TANC1: variants seen among roughly 807,000 people sequenced by gnomAD.
TANC1 encodes the protein tetratricopeptide repeat, ankyrin repeat and coiled-coil containing 1.
A neutral mutation model predicts 149.7 loss-of-function variants in TANC1; 77 were observed. The observed-to-expected ratio is 0.51, with a 90% CI of 0.43 to 0.62. The LOEUF is 0.62. Among genes scored for constraint, TANC1 ranks in the 20% least tolerant of loss-of-function variants. TANC1 has a pLI of 0.00. For synonymous variants in TANC1, 854 were observed against 925.0 expected, an observed-to-expected ratio of 0.92 and a Z score of 1.39; for missense variants, 1,985 against 2,321.8, an observed-to-expected ratio of 0.85 and a Z score of 2.98.
At chr2:159,037,044 TCGC>T (rs1391155339) in intron 2 of TANC1, among the ~76,000 whole-genome samples, 1 of 152,210 alleles carries the variant, frequency 6.6e-6, no homozygotes, top group Non-Finnish European at 1.5e-5. Flanking sequence ...TTTTTAATGA[TCGC>T]CGTTCTAACT....
Position 159,033,899 on chromosome 2 carries a change from G to A in TANC1, c.-15-31997G>A, listed in dbSNP as rs187049576. 2.4e-3 allele frequency among the ~76,000 whole-genome samples: 369 copies of A among 152,290 alleles called. 1 individual carries two copies. Among genetic ancestry groups the A allele is most frequent in the African/African-American group, 8.0e-3 (334 of 41,552 alleles). On this transcript the variant is annotated intron_variant, in intron 2 of 26. Coordinates refer to ENST00000263635, the MANE Select transcript of TANC1 (RefSeq NM_033394.3). ...GCTCTTAGTAGTTATCCTTGAATGCGTTGTGCTTTGTCAAACTTGGTGAGC... is the reference window on the plus strand; with the variant it reads ...GCTCTTAGTAGTTATCCTTGAATGCATTGTGCTTTGTCAAACTTGGTGAGC...
At chr2:159,032,789 A>AG (rs11408982) in intron 2 of TANC1, among the ~76,000 whole-genome samples, 67,527 of 151,706 alleles carry the variant, frequency 0.45, 15,758 homozygotes, top group African/African-American at 0.57. Context: ...GGGGGTTAGG[A>AG]GTTCCCTTCT....
chr2:159,041,532 G>A (rs956624491), intron 2 of TANC1, among the ~76,000 whole-genome samples: 13 of 152,316 alleles, frequency 8.5e-5, no homozygotes, highest in African/African-American at 3.1e-4. Context: ...CTTGCAGCTC[G>A]ATCTCGGACT....
intron 13 of TANC1, among the ~76,000 whole-genome samples, chr2:159,177,583 C>T (rs1198660016): frequency 6.6e-6 from 1 of 152,156 alleles, no homozygotes; most frequent in Non-Finnish European, 1.5e-5. Context: ...ATCAGTAGAT[C>T]ATAGGAACCA....
At chr2:159,081,914 G>A (rs531850917) in intron 3 of TANC1, among the ~76,000 whole-genome samples, 9 of 152,214 alleles carry the variant, frequency 5.9e-5, no homozygotes, top group Non-Finnish European at 1.2e-4. Context: ...GGAGCTGGGG[G>A]ATCCAGGTCC....
rs972957047 is a variant in TANC1 at position 159,029,380 on chromosome 2, C to T, written c.-16+28191C>T. On this transcript the variant is annotated intron_variant, in intron 2 of 26. Coordinates refer to ENST00000263635, the MANE Select transcript of TANC1 (RefSeq NM_033394.3). ...ATACCCAGAAATGAGATTGTTGGAT[C>T]GTATGCCTCACTTTTTAAGTAAAGG... Among the ~76,000 whole-genome samples the T allele has an allele frequency of 2.6e-5, 4 of 152,192 alleles. No homozygotes were observed. The South Asian group carries it at 6.2e-4, about 24-fold the overall frequency.
intron 4 of TANC1, among the ~76,000 whole-genome samples, 197 bp downstream of exon 4, chr2:159,098,031 A>G (rs114754908): frequency 0.011 from 1,640 of 151,996 alleles, 22 homozygotes; most frequent in South Asian, 0.033. Context: ...TGTTTGGACT[A>G]CCAGGCTAGA....
chr2:159,132,518 T>C (rs1375640954), intron 4 of TANC1, among the ~76,000 whole-genome samples: 1 of 151,794 alleles, frequency 6.6e-6, no homozygotes, highest in African/African-American at 2.4e-5. Context: ...TGAGACAGTC[T>C]CACTCTGTTG....
At chr2:159,049,964 T>A (rs2041348102) in intron 2 of TANC1, among the ~76,000 whole-genome samples, 1 of 152,164 alleles carries the variant, frequency 6.6e-6, no homozygotes, top group Admixed American at 6.5e-5. Flanking sequence ...CAGGCAGCAG[T>A]TGAAGTGGGT....
intron 24 of TANC1, chr2:159,227,422 G>C (rs2060083468): frequency 5.6e-6 from 1 of 178,626 alleles, no homozygotes; most frequent in South Asian, 1.3e-4. Flanking sequence ...CTTGTCCTAG[G>C]AATAGGATCA....
At chr2:159,225,653 T>C in intron 23 of TANC1, 35 bp from the exon 24 acceptor site, 7 of 1,578,714 alleles carry the variant, frequency 4.4e-6, no homozygotes, top group Non-Finnish European at 6.1e-6. Flanking sequence ...CCGCAGGGCC[T>C]CTGAAGTGCC....
intron 2 of TANC1, among the ~76,000 whole-genome samples, chr2:159,008,985 G>A (rs1199760398): frequency 6.6e-6 from 1 of 152,068 alleles, no homozygotes; most frequent in Admixed American, 6.5e-5. Flanking sequence ...ATCATTCTTA[G>A]TTTCCTATTG....
chr2:159,054,233 G>A (rs1178302829), intron 2 of TANC1, among the ~76,000 whole-genome samples: 1 of 152,184 alleles, frequency 6.6e-6, no homozygotes, highest in African/African-American at 2.4e-5. Flanking sequence ...GTGTGACCCT[G>A]GGCAAGTCAC....
intron 7 of TANC1, among the ~76,000 whole-genome samples, chr2:159,159,831 A>G (rs1490244169): frequency 6.6e-6 from 1 of 151,142 alleles, no homozygotes; most frequent in Non-Finnish European, 1.5e-5. Context: ...GCCTCCTCTC[A>G]TGGGATGTGA....
intron 1 of TANC1, among the ~76,000 whole-genome samples, chr2:158,973,084 T>C (rs2033133566): frequency 6.6e-6 from 1 of 152,172 alleles, no homozygotes; most frequent in Non-Finnish European, 1.5e-5. Flanking sequence ...GAGAATGTTC[T>C]AGAAAGAAGA....
At chr2:159,227,041 A>G (rs2060061637) in intron 24 of TANC1, 1 of 152,248 alleles carries the variant, frequency 6.6e-6, no homozygotes, top group African/African-American at 2.4e-5. Context: ...TTTTACTGTT[A>G]GGCAGCTGTA....
chr2:159,230,890 A>C lies in TANC1; in HGVS notation c.5464A>C (p.Thr1822Pro). Reference sequence around the variant, plus strand: ...CTCTCAAGAGAACAGGATAACTAAGACTGTTTCTCATCTGTACCAGGAAAG... The same window carrying C: ...CTCTCAAGAGAACAGGATAACTAAGCCTGTTTCTCATCTGTACCAGGAAAG... ...VHSQENRITK[T>P]VSHLYQESIS... The change falls in exon 27 of 27, where the codon ACT becomes CCT. Residue 1822 changes from threonine (T) to proline (P), a missense_variant. Physicochemically the swap from Thr to Pro is conservative, Grantham distance 38 (BLOSUM62 -1). Coordinates refer to ENST00000263635, the MANE Select transcript of TANC1 (RefSeq NM_033394.3). The surrounding 1 kb of genome is among the most constrained non-coding windows in gnomAD (Gnocchi z 4.4). 1 of 1,614,056 alleles carries C rather than the reference A, an allele frequency of 6.2e-7. No individual in the cohort carries two copies. The highest frequency in any genetic ancestry group is 8.5e-7 in the Non-Finnish European group (1 of 1,179,960).
intron 11 of TANC1, 29 bp from the exon 12 acceptor site, chr2:159,174,924 G>T: frequency 6.4e-7 from 1 of 1,562,378 alleles, no homozygotes. Flanking sequence ...AGAGGGTGAG[G>T]TGATGCTGAC....
intron 2 of TANC1, among the ~76,000 whole-genome samples, chr2:159,062,333 C>T (rs908727129): frequency 1.8e-4 from 28 of 152,124 alleles, no homozygotes; most frequent in African/African-American, 6.8e-4. Context: ...GATACTTATC[C>T]ATAAGTACTT....
Sources: allele counts gnomAD v4.1 joint callset (sites outside exome capture counted in the v4.1 genomes callset), GRCh38; gene constraint gnomAD v4.1.1; non-coding constraint Gnocchi (gnomAD v3.1); transcripts MANE v1.5; gene names NCBI Gene and HGNC (gene_info 2026-07-23, HGNC 2026-07-21).